Variants in DLGAP2 observed in about 807,000 individuals in gnomAD.
The protein encoded by DLGAP2 is DLG associated protein 2.
Under a neutral mutation model 100.3 loss-of-function variants are expected in DLGAP2, and 26 were observed. That is an observed-to-expected ratio of 0.26 (90% CI 0.19 to 0.36). The LOEUF (loss-of-function observed/expected upper bound fraction) is 0.36. DLGAP2 is among the 10% of genes least tolerant of loss of function. The probability of loss-of-function intolerance (pLI) is 1.00; values close to 1 mark genes in which losing one functional copy is unlikely to be tolerated. For missense variants in DLGAP2, 1,858 were observed against 1,453.2 expected, an observed-to-expected ratio of 1.28 and a Z score of -4.53; for synonymous variants, 886 against 630.1, an observed-to-expected ratio of 1.41 and a Z score of -6.08.
In DLGAP2 at chr8:1,379,995, C is replaced by T. The variant is rs113841559; in HGVS notation, c.106+121112C>T. ...TTTTGGGGGTGCTCTCTTCAATTCT[C>T]TTCTGAGCCCGGCTCCATCCCAGCA... On this transcript the variant is annotated intron_variant, in intron 3 of 14. Coordinates refer to ENST00000637795, the MANE Select transcript of DLGAP2 (RefSeq NM_001346810.2). Among the ~76,000 whole-genome samples the T allele has an allele frequency of 6.1e-3, 927 of 152,118 alleles. 6 individuals carry two copies. Among genetic ancestry groups the T allele is most frequent in the African/African-American group, 0.021 (875 of 41,514 alleles).
chr8:1,353,785 A>G (rs1801787974), intron 3 of DLGAP2, among the ~76,000 whole-genome samples: 1 of 152,254 alleles, frequency 6.6e-6, no homozygotes, highest in Non-Finnish European at 1.5e-5. Context: ...TTAGAAGGCA[A>G]AAACACGACA....
chr8:1,226,277 A>G (rs553888753), intron 2 of DLGAP2, among the ~76,000 whole-genome samples: 1 of 152,340 alleles, frequency 6.6e-6, no homozygotes, highest in Non-Finnish European at 1.5e-5. Context: ...GCACCATGGA[A>G]TACTATGCAG....
intron 2 of DLGAP2, among the ~76,000 whole-genome samples, chr8:923,250 T>G: frequency 6.6e-6 from 1 of 152,208 alleles, no homozygotes; most frequent in East Asian, 1.9e-4. Context: ...TTATCTGGGC[T>G]GTGTCATAAT....
At chr8:1,005,021 T>C (rs1168452534) in intron 2 of DLGAP2, among the ~76,000 whole-genome samples, 1 of 152,180 alleles carries the variant, frequency 6.6e-6, no homozygotes, top group Non-Finnish European at 1.5e-5. Flanking sequence ...GAATGAGATG[T>C]GACCATGGAG....
In DLGAP2 at chr8:737,699, C is replaced by A. The variant is rs1198858277; in HGVS notation, c.-109C>A. The A allele has an allele frequency of 2.7e-6, 1 of 370,208 alleles. No homozygotes were observed. The highest frequency in any genetic ancestry group is 3.9e-5 in the East Asian group (1 of 25,730). The allele number at this position is 370,208 out of a possible 1,614,324, so 22.9% of individuals were successfully genotyped here. ...CTGCGGCGGCGAACGGACGGACGGA[C>A]CGCGGACGGACGTACTGACCCCAAC... On this transcript the variant is annotated 5_prime_UTR_variant, in exon 1 of 15. Coordinates refer to ENST00000637795, the MANE Select transcript of DLGAP2 (RefSeq NM_001346810.2).
intron 4 of DLGAP2, among the ~76,000 whole-genome samples, chr8:1,540,632 G>C (rs997733951): frequency 6.6e-6 from 1 of 152,222 alleles, no homozygotes; most frequent in African/African-American, 2.4e-5. Context: ...CTGCCTTGCA[G>C]ACCACTCCAG....
intron 3 of DLGAP2, among the ~76,000 whole-genome samples, chr8:1,361,505 G>T (rs181040074): frequency 6.6e-6 from 1 of 152,162 alleles, no homozygotes; most frequent in Non-Finnish European, 1.5e-5. Context: ...GTAGGTAGCC[G>T]TCTGGTGCTG....
intron 8 of DLGAP2, among the ~76,000 whole-genome samples, chr8:1,663,366 G>A (rs904965739): frequency 1.3e-5 from 2 of 152,116 alleles, no homozygotes; most frequent in Non-Finnish European, 1.5e-5. Context: ...GGCCAGTGCT[G>A]TTTGGGGACC....
intron 2 of DLGAP2, among the ~76,000 whole-genome samples, chr8:1,164,201 G>GCCC (rs151304506): frequency 4.4e-5 from 1 of 22,856 alleles, no homozygotes; most frequent in Non-Finnish European, 7.9e-5. Context: ...TTTTCTGTGA[G>GCCC]CCCCCAGGGC....
rs763312760 is a variant in DLGAP2, at chr8:765,224, C to CA, written c.18+27406dup. Among the ~76,000 whole-genome samples, 182 of 152,050 alleles carry CA rather than the reference C, an allele frequency of 1.2e-3. 1 individual carries two copies. Among genetic ancestry groups the CA allele is most frequent in the Non-Finnish European group, 2.1e-3 (140 of 67,982 alleles). On this transcript the variant is annotated intron_variant, in intron 1 of 14. Transcript: ENST00000637795. ...GTTTATTTAAAAGATAACTTTATTA[C>CA]AAAAAAACCCTAATATGAGCTATAA... is the stretch of plus-strand genomic sequence containing the variant.
At chr8:968,254 C>A (rs1201016135) in intron 2 of DLGAP2, among the ~76,000 whole-genome samples, 1 of 152,102 alleles carries the variant, frequency 6.6e-6, no homozygotes, top group Non-Finnish European at 1.5e-5. Context: ...CCCGTGGGGC[C>A]CCTGCCCCCA....
intron 3 of DLGAP2, among the ~76,000 whole-genome samples, chr8:1,266,705 A>G (rs1221579547): frequency 6.6e-6 from 1 of 152,150 alleles, no homozygotes; most frequent in Non-Finnish European, 1.5e-5. Flanking sequence ...CAATAAAAGC[A>G]TGATACAGTG....
intron 4 of DLGAP2, among the ~76,000 whole-genome samples, chr8:1,540,292 T>C (rs888705805): frequency 1.3e-5 from 2 of 152,134 alleles, no homozygotes; most frequent in Non-Finnish European, 2.9e-5. Flanking sequence ...CGTTTGCCTG[T>C]TTATCTGTTT....
chr8:1,150,644 T>G (rs1003705651), intron 2 of DLGAP2, among the ~76,000 whole-genome samples: 3 of 152,206 alleles, frequency 2.0e-5, no homozygotes, highest in African/African-American at 7.2e-5. Context: ...GTTGACAGGA[T>G]TGGACACTGC....
At chr8:1,477,253 T>A (rs1309686250) in intron 3 of DLGAP2, among the ~76,000 whole-genome samples, 5 of 152,186 alleles carry the variant, frequency 3.3e-5, no homozygotes. Context: ...AGGTCTCAGA[T>A]GACGGCTGGA....
intron 2 of DLGAP2, among the ~76,000 whole-genome samples, chr8:1,031,368 C>T (rs1442382709): frequency 6.6e-6 from 1 of 152,092 alleles, no homozygotes; most frequent in Non-Finnish European, 1.5e-5. Flanking sequence ...TGAGGACTGA[C>T]ATCGAGATTT....
chr8:938,746 G>T lies in DLGAP2; in HGVS notation c.73+30780G>T, dbSNP rs1416913066. Among the ~76,000 whole-genome samples the T allele has an allele frequency of 3.9e-5, 6 of 152,298 alleles. 1 individual carries two copies. Among genetic ancestry groups the T allele is most frequent in the African/African-American group, 1.4e-4 (6 of 41,564 alleles). ...CTGGCTGTGAGGTGGTGTGGGCACG[G>T]CCAGCCAATGTTTCAGCCCTGTGTG... On this transcript the variant is annotated intron_variant, in intron 2 of 14. Transcript: ENST00000637795.
intron 3 of DLGAP2, among the ~76,000 whole-genome samples, chr8:1,374,083 A>G (rs900419894): frequency 1.3e-5 from 2 of 149,794 alleles, no homozygotes; most frequent in African/African-American, 5.0e-5. Context: ...TGTGTGGTGG[A>G]GGTTAGGTTA....
intron 2 of DLGAP2, among the ~76,000 whole-genome samples, chr8:1,208,330 C>T (rs560409363): frequency 5.9e-5 from 9 of 152,234 alleles, no homozygotes; most frequent in Non-Finnish European, 1.2e-4. Context: ...GTCCTTTCCC[C>T]GCTTATGTTT....
Sources: allele counts gnomAD v4.1 joint callset (sites outside exome capture counted in the v4.1 genomes callset), GRCh38; gene constraint gnomAD v4.1.1; transcripts MANE v1.5; gene names NCBI Gene and HGNC (gene_info 2026-07-23, HGNC 2026-07-21).